Variants in EDA2R observed in about 807,000 individuals in gnomAD.
EDA2R encodes the protein ectodysplasin A2 receptor.
A neutral mutation model predicts 20.1 loss-of-function variants in EDA2R; 26 were observed. That is an observed-to-expected ratio of 1.30 (90% confidence interval 0.95 to 1.80). EDA2R has a LOEUF of 1.80. EDA2R is among the 40% of genes most tolerant of loss of function. The probability of loss-of-function intolerance (pLI) is 0.00; values close to 1 mark genes in which losing one functional copy is unlikely to be tolerated. For synonymous variants in EDA2R, 114 were observed against 88.7 expected, an observed-to-expected ratio of 1.29 and a Z score of -1.60; for missense variants, 277 against 228.7, an observed-to-expected ratio of 1.21 and a Z score of -1.36.
intron 6 of EDA2R, among the ~76,000 whole-genome samples, chrX:66,599,065 T>C (rs1928005398): frequency 8.9e-6 from 1 of 112,217 alleles, no homozygotes; most frequent in South Asian, 3.7e-4. Context: ...ACAAGGTTTG[T>C]ATAGTTATTA....
intron 1 of EDA2R, among the ~76,000 whole-genome samples, chrX:66,629,739 CA>C (rs1933527941): frequency 9.0e-6 from 1 of 111,351 alleles, no homozygotes; most frequent in Non-Finnish European, 1.9e-5. Flanking sequence ...TGGGTAGAAA[CA>C]ATATTGTGAA....
intron 6 of EDA2R, among the ~76,000 whole-genome samples, chrX:66,599,116 C>T (rs931840614): frequency 2.7e-5 from 3 of 112,044 alleles, no homozygotes; most frequent in African/African-American, 9.7e-5. Flanking sequence ...TTCCAGATGA[C>T]AAGGCTTGTA....
At chrX:66,613,345 A>G (rs1197320403) in intron 2 of EDA2R, among the ~76,000 whole-genome samples, 1 of 111,753 alleles carries the variant, frequency 8.9e-6, no homozygotes, top group Non-Finnish European at 1.9e-5. Flanking sequence ...TAGACAAAGA[A>G]CAATACATAA....
chrX:66,624,356 T>A (rs954762799), intron 1 of EDA2R, among the ~76,000 whole-genome samples: 3 of 111,048 alleles, frequency 2.7e-5, no homozygotes, highest in African/African-American at 9.8e-5. Flanking sequence ...TCAATTCTAC[T>A]AAAAATACAA....
At chrX:66,628,618 ACC>A (rs756343165) in intron 1 of EDA2R, among the ~76,000 whole-genome samples, 1 of 105,338 alleles carries the variant, frequency 9.5e-6, no homozygotes, top group East Asian at 2.9e-4. Flanking sequence ...GGAAAAATAC[ACC>A]CCCCCAGCTT....
intron 4 of EDA2R, among the ~76,000 whole-genome samples, chrX:66,603,715 G>C (rs1054408224): frequency 2.7e-5 from 3 of 112,209 alleles, no homozygotes; most frequent in Non-Finnish European, 5.6e-5. Context: ...TGAGGAGGTA[G>C]GGAGGTAATA....
chrX:66,612,525 A>G (rs1230386857), intron 2 of EDA2R, among the ~76,000 whole-genome samples: 1 of 111,101 alleles, frequency 9.0e-6, no homozygotes, highest in African/African-American at 3.3e-5. Context: ...AACCACCTCT[A>G]AAAAAATGAT....
At chrX:66,600,107 G>T (rs1409361364) in intron 5 of EDA2R, 3 of 1,145,196 alleles carry the variant, frequency 2.6e-6, no homozygotes, top group East Asian at 3.3e-5. Context: ...TAGAGAAAAA[G>T]AAACCTTTGT....
intron 4 of EDA2R, among the ~76,000 whole-genome samples, chrX:66,603,420 C>T (rs1302492961): frequency 9.0e-6 from 1 of 111,063 alleles, no homozygotes; most frequent in African/African-American, 3.3e-5. Context: ...TGCAGTAAGG[C>T]CATCAGAGTA....
chrX:66,597,419 A>T lies in EDA2R; in HGVS notation c.*685T>A, dbSNP rs10521337. On this transcript the variant is annotated 3_prime_UTR_variant, in exon 7 of 7. Transcript: ENST00000374719. ...GAAGGAAGATTACTTTGGCTCAGAA[A>T]TGTTCTGTAAGGTTCCAAAATGGCG... 7,573 of 111,379 alleles carry T rather than the reference A, an allele frequency of 0.068. 643 individuals carry two copies. The highest frequency in any genetic ancestry group is 0.24 in the African/African-American group (7,164 of 30,444). The allele number at this position is 111,379 out of a possible 1,213,427, so 9.2% of individuals were successfully genotyped here. A position where few individuals can be genotyped will look rare whatever the true frequency, so the allele number is the denominator to read the frequency against.
In EDA2R at chrX:66,605,032, C is replaced by T. The variant is rs1602205028; in HGVS notation, c.266+16G>A. 8.4e-7 allele frequency: 1 copy of T among 1,187,455 alleles called. No homozygotes were observed. Among genetic ancestry groups the T allele is most frequent in the Non-Finnish European group, 1.1e-6 (1 of 882,088 alleles). On this transcript the variant is annotated intron_variant, in intron 3 of 6. Transcript: ENST00000374719. ...AGAAAAGCCCAGACAAGCTTGGTCT[C>T]ATAAAGCAAGCTCACCTGGGCAAAC...
intron 5 of EDA2R, chrX:66,600,081 AAAT>A: frequency 8.6e-7 from 1 of 1,158,946 alleles, no homozygotes; most frequent in Non-Finnish European, 1.2e-6. Flanking sequence ...GGATCAGAGA[AAAT>A]AATCAATTTC....
At chrX:66,635,238 G>T (rs1411484561) in intron 1 of EDA2R, among the ~76,000 whole-genome samples, 1 of 111,964 alleles carries the variant, frequency 8.9e-6, no homozygotes, top group South Asian at 3.8e-4. Context: ...ATTGCAGTCT[G>T]GTGGGGAACA....
intron 6 of EDA2R, among the ~76,000 whole-genome samples, chrX:66,598,963 CACT>C (rs1201228328): frequency 9.0e-6 from 1 of 111,639 alleles, no homozygotes; most frequent in African/African-American, 3.3e-5. Context: ...AGTTCTAGCC[CACT>C]AATTTGCCCT....
chrX:66,625,696 A>T (rs1933005198), intron 1 of EDA2R, among the ~76,000 whole-genome samples: 1 of 112,159 alleles, frequency 8.9e-6, no homozygotes, highest in South Asian at 3.7e-4. Context: ...ACCTCCTGGC[A>T]GGAGGCCAAC....
Position 66,596,481 on chromosome X carries a change from A to G in EDA2R, c.*1623T>C, listed in dbSNP as rs1408059574. 9.0e-6 allele frequency: 1 copy of G among 111,600 alleles called. No individual in the cohort carries two copies. The highest frequency in any genetic ancestry group is 1.9e-5 in the Non-Finnish European group (1 of 53,157). 9.2% of individuals were successfully genotyped at this position (111,600 alleles called of 1,213,427 possible). A position where few individuals can be genotyped will look rare whatever the true frequency, so the allele number is the denominator to read the frequency against. Reference sequence around the variant, plus strand: ...CCACATAGCATTCATGCCATGAGCAAGCACACTGAAGAAGTCTTACTCTTT... The same window carrying G: ...CCACATAGCATTCATGCCATGAGCAGGCACACTGAAGAAGTCTTACTCTTT... On this transcript the variant is annotated 3_prime_UTR_variant, in exon 7 of 7. Coordinates refer to ENST00000374719, the MANE Select transcript of EDA2R (RefSeq NM_021783.5).
rs192215884 is a variant in EDA2R, at chrX:66,613,010, T to A, written c.87+2924A>T. 4.8e-3 allele frequency among the ~76,000 whole-genome samples: 539 copies of A among 111,409 alleles called. 2 individuals are homozygous for A. Among genetic ancestry groups the A allele is most frequent in the African/African-American group, 0.016 (508 of 30,796 alleles). Reference sequence around the variant, plus strand: ...GCACAATGCTGATCCAAAATTTTGATGCTGATAGTGTTACAATAATAATTA... The same window carrying A: ...GCACAATGCTGATCCAAAATTTTGAAGCTGATAGTGTTACAATAATAATTA... On this transcript the variant is annotated intron_variant, in intron 2 of 6. Transcript: ENST00000374719.
chrX:66,599,554 C>G lies in EDA2R; in HGVS notation c.824G>C (p.Gly275Ala). ...SASYTGAETL[G>A]GNTVESTGDR... is the part of the protein sequence containing the mutation. ...TCCAGTGCTTTCGACTGTGTTTCCC[C>G]CCAAGGTCTCAGCTCCAGTATAGGA... is the stretch of plus-strand genomic sequence containing the variant. Residue 275 changes from glycine to alanine, a missense_variant, in exon 6 of 7, where the codon GGG becomes GCG. Coordinates refer to ENST00000374719, the MANE Select transcript of EDA2R (RefSeq NM_021783.5). 2 of 1,189,842 alleles carry G rather than the reference C, an allele frequency of 1.7e-6. No individual in the cohort carries two copies. The highest frequency in any genetic ancestry group is 2.3e-4 in the Middle Eastern group (1 of 4,321).
At chrX:66,600,152 T>TG in intron 5 of EDA2R, 5 of 916,242 alleles carry the variant, frequency 5.5e-6, no homozygotes, top group Admixed American at 2.9e-5. Flanking sequence ...TCCCTTGCCA[T>TG]AATCTTCATG....
Sources: allele counts gnomAD v4.1 joint callset (sites outside exome capture counted in the v4.1 genomes callset), GRCh38; gene constraint gnomAD v4.1.1; transcripts MANE v1.5; gene names NCBI Gene and HGNC (gene_info 2026-07-23, HGNC 2026-07-21).